The following BMPR2 variants were observed in gnomAD, a reference collection of about 807,000 sequenced individuals.
The protein encoded by BMPR2 is bone morphogenetic protein receptor type 2, also known as bone morphogenetic protein receptor type-2.
BMPR2 carries 29 observed loss-of-function variants against 100.8 expected under a neutral mutation model. The ratio of observed to expected loss-of-function variants is 0.29; its 90% CI spans 0.21 to 0.39. The LOEUF (loss-of-function observed/expected upper bound fraction) is 0.39. Ranked by LOEUF, BMPR2 falls within the 10% of genes least tolerant of loss-of-function variation. The pLI is 1.00. For synonymous variants in BMPR2, 382 were observed against 442.3 expected (o/e 0.86, Z 1.71); for missense variants, 1,011 against 1,274.5 (o/e 0.79, Z 3.15).
At chr2:202,465,629 C>T (rs1466681051) in intron 2 of BMPR2, among the ~76,000 whole-genome samples, 1 of 151,324 alleles carries the variant, frequency 6.6e-6, no homozygotes, top group Non-Finnish European at 1.5e-5. Context: ...GAGGCCGAGG[C>T]GGGTGGATCA....
intron 1 of BMPR2, among the ~76,000 whole-genome samples, chr2:202,440,642 G>A (rs963214328): frequency 1.3e-5 from 2 of 150,540 alleles, no homozygotes; most frequent in East Asian, 1.9e-4. Flanking sequence ...AGGTTGTAGC[G>A]AGCCGAGATC....
At chr2:202,434,908 A>AAATAT (rs1559037398) in intron 1 of BMPR2, among the ~76,000 whole-genome samples, 2 of 38,426 alleles carry the variant, frequency 5.2e-5, no homozygotes, top group African/African-American at 1.1e-4. Context: ...AAAAAAAAAA[A>AAATAT]ATATATATAT....
At chr2:202,520,870 T>G (rs1209830259) in intron 7 of BMPR2, 1 of 154,172 alleles carries the variant, frequency 6.5e-6, no homozygotes, top group Non-Finnish European at 1.4e-5. Flanking sequence ...AGGTCTATTA[T>G]CAGAAGATCT....
chr2:202,487,252 T>C (rs1157110884), intron 3 of BMPR2, among the ~76,000 whole-genome samples: 1 of 152,164 alleles, frequency 6.6e-6, no homozygotes, highest in African/African-American at 2.4e-5. Flanking sequence ...AGTAACTTAG[T>C]CTGTTTTATA....
chr2:202,550,321 C>T (rs1446461375), intron 10 of BMPR2, among the ~76,000 whole-genome samples: 2 of 148,658 alleles, frequency 1.3e-5, no homozygotes, highest in African/African-American at 2.5e-5. Flanking sequence ...TGCAGTGAGC[C>T]GAGATCGCGC....
chr2:202,448,924 GGTGTGTGTGTGTGTGTGTGTGT>G (rs55680029), intron 1 of BMPR2, among the ~76,000 whole-genome samples: 2 of 142,814 alleles, frequency 1.4e-5, no homozygotes, highest in Non-Finnish European at 3.0e-5. Context: ...GTTTAGAATT[GGTGTGTGTGTGTGTGTGTGTGT>G]GTGTGTGTGT....
At chr2:202,474,553 C>T (rs1002011961) in intron 3 of BMPR2, among the ~76,000 whole-genome samples, 4 of 152,124 alleles carry the variant, frequency 2.6e-5, no homozygotes, top group African/African-American at 7.2e-5. Context: ...CGGAGTCTCG[C>T]TCTGTCGCCC....
intron 12 of BMPR2, among the ~76,000 whole-genome samples, chr2:202,556,772 C>T (rs1688580919): frequency 6.6e-6 from 1 of 151,864 alleles, no homozygotes; most frequent in South Asian, 2.1e-4. Flanking sequence ...CATGGCGAAA[C>T]CCCATCTCTA....
intron 3 of BMPR2, among the ~76,000 whole-genome samples, chr2:202,486,288 C>G (rs746931651): frequency 6.6e-6 from 1 of 152,132 alleles, no homozygotes; most frequent in African/African-American, 2.4e-5. Context: ...TGTCTACTTA[C>G]CTATCAACAT....
intron 3 of BMPR2, among the ~76,000 whole-genome samples, chr2:202,492,700 C>CAAAA (rs1166246933): frequency 1.7e-4 from 9 of 52,798 alleles, no homozygotes; most frequent in South Asian, 9.4e-4. Context: ...AGCTCTGTCT[C>CAAAA]AAAAAAAAAA....
intron 1 of BMPR2, among the ~76,000 whole-genome samples, chr2:202,457,708 C>G (rs1051325490): frequency 6.6e-6 from 1 of 151,840 alleles, no homozygotes; most frequent in African/African-American, 2.4e-5. Flanking sequence ...ACTCAAAGGA[C>G]AAGACATAGA....
intron 1 of BMPR2, among the ~76,000 whole-genome samples, chr2:202,383,553 G>C (rs1362510663): frequency 6.6e-6 from 1 of 151,962 alleles, no homozygotes; most frequent in Non-Finnish European, 1.5e-5. Flanking sequence ...GGTGGCACAT[G>C]CCTGTAATCC....
chr2:202,537,253 G>C (rs1045006242), intron 9 of BMPR2, among the ~76,000 whole-genome samples: 1 of 152,120 alleles, frequency 6.6e-6, no homozygotes, highest in African/African-American at 2.4e-5. Context: ...TTTGTTAATA[G>C]TCTCATGTAG....
chr2:202,419,861 C>G (rs1691222283), intron 1 of BMPR2, among the ~76,000 whole-genome samples: 1 of 152,058 alleles, frequency 6.6e-6, no homozygotes, highest in Non-Finnish European at 1.5e-5. Context: ...ATTAAAAACC[C>G]AAGGGGGCCA....
intron 3 of BMPR2, among the ~76,000 whole-genome samples, chr2:202,498,989 C>T (rs1693102407): frequency 6.6e-6 from 1 of 152,160 alleles, no homozygotes; most frequent in Admixed American, 6.5e-5. Context: ...AGCTCCCCTT[C>T]CTATTAATGA....
chr2:202,498,513 T>C (rs1693091620), intron 3 of BMPR2, among the ~76,000 whole-genome samples: 1 of 150,844 alleles, frequency 6.6e-6, no homozygotes, highest in Non-Finnish European at 1.5e-5. Context: ...AGGGGTTGTT[T>C]CTGCTGCTGC....
At chr2:202,499,538 A>G (rs1016179312) in intron 3 of BMPR2, among the ~76,000 whole-genome samples, 3 of 152,202 alleles carry the variant, frequency 2.0e-5, no homozygotes, top group African/African-American at 7.2e-5. Flanking sequence ...GAATTATTCA[A>G]TGATGTCCAC....
intron 9 of BMPR2, among the ~76,000 whole-genome samples, chr2:202,536,853 AG>A (rs1205435066): frequency 1.3e-5 from 2 of 150,198 alleles, no homozygotes; most frequent in Non-Finnish European, 3.0e-5. Flanking sequence ...CTGGGCAACA[AG>A]AGTGAAACTC....
chr2:202,418,874 G>A (rs1459835170), intron 1 of BMPR2, among the ~76,000 whole-genome samples: 2 of 152,190 alleles, frequency 1.3e-5, no homozygotes, highest in Non-Finnish European at 2.9e-5. Flanking sequence ...AAGGGAAGGG[G>A]ATTCTCTGCA....
Sources: gnomAD v4.1 joint callset for allele counts (sites outside exome capture counted in the v4.1 genomes callset) on GRCh38, gnomAD v4.1.1 for gene constraint, MANE v1.5 for transcripts, NCBI Gene and HGNC (gene_info 2026-07-23, HGNC 2026-07-21) for gene names.